Variants in BCAT1 observed in about 807,000 individuals in gnomAD.
BCAT1 encodes branched-chain-amino-acid aminotransferase, cytosolic.
BCAT1 carries 48 observed loss-of-function variants against 52.4 expected under a neutral mutation model. The ratio of observed to expected loss-of-function variants is 0.92; its 90% CI spans 0.73 to 1.16. The LOEUF (loss-of-function observed/expected upper bound fraction) is 1.16. BCAT1 is among the 50% of genes most tolerant of loss of function. The pLI is 0.00. For synonymous variants in BCAT1, 167 were observed against 161.3 expected (o/e 1.04, Z -0.27); for missense variants, 451 against 457.1 (o/e 0.99, Z 0.12).
At chr12:24,888,867 G>A (rs1942759273) in intron 3 of BCAT1, among the ~76,000 whole-genome samples, 1 of 152,178 alleles carries the variant, frequency 6.6e-6, no homozygotes, top group African/African-American at 2.4e-5. Flanking sequence ...GATATCCACA[G>A]CTGCGTCAAT....
intron 4 of BCAT1, 64 bp from the exon 5 acceptor site, chr12:24,878,713 C>A (rs568325722): frequency 5.9e-4 from 849 of 1,449,690 alleles, no homozygotes; most frequent in Non-Finnish European, 7.4e-4. Flanking sequence ...AATAAATGAT[C>A]CTCACTGAAG....
Position 24,817,968 on chromosome 12 carries a change from T to C in BCAT1, c.*40A>G, listed in dbSNP as rs1188957847. 5 of 1,597,446 alleles carry C rather than the reference T, an allele frequency of 3.1e-6. No homozygotes were observed. Among genetic ancestry groups the C allele is most frequent in the Non-Finnish European group, 4.3e-6 (5 of 1,165,794 alleles). On this transcript the variant is annotated 3_prime_UTR_variant, in exon 11 of 11. Coordinates refer to ENST00000261192, the MANE Select transcript of BCAT1 (RefSeq NM_005504.7). Reference sequence around the variant, plus strand: ...AACAGTCTGTCCCAGTAGCATACAGTTGGTATCCTCTATTTTCCATTGTAT... The same window carrying C: ...AACAGTCTGTCCCAGTAGCATACAGCTGGTATCCTCTATTTTCCATTGTAT...
At chr12:24,878,305 T>A (rs1185861540) in intron 5 of BCAT1, among the ~76,000 whole-genome samples, 1 of 152,204 alleles carries the variant, frequency 6.6e-6, no homozygotes, top group African/African-American at 2.4e-5. Flanking sequence ...GAGGTAGGGA[T>A]CTAATTTCTT....
chr12:24,909,863 A>G (rs1232510483), intron 1 of BCAT1, among the ~76,000 whole-genome samples: 1 of 152,158 alleles, frequency 6.6e-6, no homozygotes, highest in East Asian at 1.9e-4. Context: ...AAATAGCCCA[A>G]ATCACATGGA....
chr12:24,919,771 G>A (rs530988502), intron 1 of BCAT1, among the ~76,000 whole-genome samples: 2 of 152,192 alleles, frequency 1.3e-5, no homozygotes, highest in East Asian at 1.9e-4. Context: ...GTAGCTCCAC[G>A]TGTTGTGGGA....
chr12:24,931,516 G>C (rs1054180341), intron 1 of BCAT1, among the ~76,000 whole-genome samples: 12 of 152,110 alleles, frequency 7.9e-5, no homozygotes, highest in African/African-American at 2.7e-4. Context: ...GCAATAAAAA[G>C]AGACCCTGAA....
chr12:24,870,235 T>C (rs376589011), intron 5 of BCAT1, among the ~76,000 whole-genome samples: 2 of 152,204 alleles, frequency 1.3e-5, no homozygotes, highest in Non-Finnish European at 2.9e-5. Flanking sequence ...GTAATTGAAC[T>C]TGAGACTTAA....
chr12:24,918,731 G>A (rs7969649), intron 1 of BCAT1, among the ~76,000 whole-genome samples: 133,859 of 152,182 alleles, frequency 0.88, 60,289 homozygotes, highest in East Asian at 1. Context: ...AAATAGAATC[G>A]CAAGTCACTG....
intron 8 of BCAT1, 183 bp downstream of exon 8, chr12:24,836,328 T>C (rs1940921937): frequency 1.7e-6 from 1 of 584,470 alleles, no homozygotes; most frequent in African/African-American, 1.9e-5. Context: ...CTATCAACAA[T>C]ACTTATTTTA....
At chr12:24,826,641 A>G (rs1940409094) in intron 10 of BCAT1, among the ~76,000 whole-genome samples, 1 of 152,130 alleles carries the variant, frequency 6.6e-6, no homozygotes, top group African/African-American at 2.4e-5. Context: ...CTCCATATAC[A>G]TTTTAGGATT....
At chr12:24,921,816 C>A (rs1392640145) in intron 1 of BCAT1, among the ~76,000 whole-genome samples, 1 of 152,198 alleles carries the variant, frequency 6.6e-6, no homozygotes, top group Non-Finnish European at 1.5e-5. Context: ...CTGCTTCCTG[C>A]TCCTTCCTCA....
chr12:24,933,662 C>T (rs548246725), intron 1 of BCAT1, among the ~76,000 whole-genome samples: 2 of 152,030 alleles, frequency 1.3e-5, no homozygotes, highest in Admixed American at 6.5e-5. Flanking sequence ...GGGGTATATA[C>T]CCCAGGTTCA....
intron 3 of BCAT1, among the ~76,000 whole-genome samples, chr12:24,884,160 T>C (rs531173258): frequency 6.6e-6 from 1 of 152,374 alleles, no homozygotes; most frequent in African/African-American, 2.4e-5. Context: ...GATGGAATGT[T>C]ATTTAGCTAT....
intron 5 of BCAT1, among the ~76,000 whole-genome samples, chr12:24,870,651 G>A (rs893980158): frequency 1.8e-4 from 28 of 152,364 alleles, no homozygotes; most frequent in African/African-American, 6.5e-4. Flanking sequence ...GCGGGATGGA[G>A]GTTAAGAGAA....
chr12:24,830,783 T>C (rs1394243596), intron 9 of BCAT1: 1 of 152,196 alleles, frequency 6.6e-6, no homozygotes, highest in African/African-American at 2.4e-5. Flanking sequence ...GATGCATTCT[T>C]ATCAATGTAA....
At chr12:24,902,051 A>G (rs1364800528) in intron 1 of BCAT1, 166 bp from the exon 2 acceptor site, 1 of 1,540,814 alleles carries the variant, frequency 6.5e-7, no homozygotes, top group East Asian at 2.4e-5. Context: ...ACCTCCAACA[A>G]GCGTGTCTTG....
intron 7 of BCAT1, among the ~76,000 whole-genome samples, chr12:24,839,666 C>A (rs1941114245): frequency 6.6e-6 from 1 of 152,176 alleles, no homozygotes; most frequent in Non-Finnish European, 1.5e-5. Context: ...CTATCCACCA[C>A]CCCATCCACC....
chr12:24,920,938 A>G (rs564734874), intron 1 of BCAT1, among the ~76,000 whole-genome samples: 4 of 152,324 alleles, frequency 2.6e-5, no homozygotes, highest in African/African-American at 9.6e-5. Flanking sequence ...CAATGAAGAG[A>G]TACAAGGTCC....
Position 24,845,200 on chromosome 12 carries a change from C to G in BCAT1, c.675-2976G>C, listed in dbSNP as rs1010913487. ...CTGCACTCCAGCCTAGGAGACAGAG[C>G]GAGACTGTCCCCTCCCAGCAAAAAA... On this transcript the variant is annotated intron_variant, in intron 6 of 10. Coordinates refer to ENST00000261192, the MANE Select transcript of BCAT1 (RefSeq NM_005504.7). Among the ~76,000 whole-genome samples, 10 of 147,976 alleles carry G rather than the reference C, an allele frequency of 6.8e-5. No homozygotes were observed. In the East Asian group the frequency reaches 2.0e-3, roughly 29 times the overall value.
Sources: gnomAD v4.1 joint callset for allele counts (sites outside exome capture counted in the v4.1 genomes callset) on GRCh38, gnomAD v4.1.1 for gene constraint, MANE v1.5 for transcripts, NCBI Gene and HGNC (gene_info 2026-07-23, HGNC 2026-07-21) for gene names.